Variants in PTPRK observed in about 807,000 individuals in gnomAD.
PTPRK encodes receptor-type tyrosine-protein phosphatase kappa.
In PTPRK, 75 loss-of-function variants were observed where a neutral mutation model predicts 178.0. The ratio of observed to expected loss-of-function variants is 0.42; its 90% CI spans 0.35 to 0.51. The LOEUF (loss-of-function observed/expected upper bound fraction) is 0.51, where lower values mean the gene tolerates loss of function less well. Among genes scored for constraint, PTPRK ranks in the 20% least tolerant of loss-of-function variants. The pLI is 0.02. For missense variants in PTPRK, 1,441 were observed against 1,797.8 expected (o/e 0.80, Z 3.59); for synonymous variants, 637 against 620.6 (o/e 1.03, Z -0.39).
intron 3 of PTPRK, among the ~76,000 whole-genome samples, chr6:128,315,216 T>C (rs1414747136): frequency 6.6e-6 from 1 of 152,158 alleles, no homozygotes; most frequent in Non-Finnish European, 1.5e-5. Context: ...TGTTGCAAAA[T>C]GCCAGGATCT....
At chr6:128,517,172 G>A (rs1858190567) in intron 1 of PTPRK, among the ~76,000 whole-genome samples, 1 of 151,906 alleles carries the variant, frequency 6.6e-6, no homozygotes, top group African/African-American at 2.4e-5. Flanking sequence ...GGAGTAAAAA[G>A]CTGAGACTAA....
At position 128,099,806 on chromosome 6, in the gene PTPRK, A is replaced by G. The variant is rs73772005; in HGVS notation, c.1163-9814T>C. 6.4e-3 allele frequency among the ~76,000 whole-genome samples: 981 copies of G among 152,162 alleles called. 9 individuals are homozygous for G. Among genetic ancestry groups the G allele is most frequent in the African/African-American group, 0.023 (950 of 41,548 alleles). ...CATTTATTTTATGCCTTCATGCATGATTAACAGCTTGCAGATCCTTCACAT... is the reference window on the plus strand; with the variant it reads ...CATTTATTTTATGCCTTCATGCATGGTTAACAGCTTGCAGATCCTTCACAT... On this transcript the variant is annotated intron_variant, in intron 7 of 29. Coordinates refer to ENST00000368226, the MANE Select transcript of PTPRK (RefSeq NM_002844.4).
At chr6:128,068,151 A>T (rs766028823) in intron 11 of PTPRK, among the ~76,000 whole-genome samples, 4 of 152,226 alleles carry the variant, frequency 2.6e-5, no homozygotes, top group Non-Finnish European at 5.9e-5. Flanking sequence ...AAATGTTTAA[A>T]GTTAACATTT....
At position 128,270,636 on chromosome 6, in the gene PTPRK, C is replaced by G. The variant is rs766709544; in HGVS notation, c.496-28034G>C. Reference sequence around the variant, plus strand: ...TTTCCATATACAATACAGATACTAGCAATGTCAGAAACATCAATTATATAT... The same window carrying G: ...TTTCCATATACAATACAGATACTAGGAATGTCAGAAACATCAATTATATAT... On this transcript the variant is annotated intron_variant, in intron 3 of 29. Transcript: ENST00000368226. Among the ~76,000 whole-genome samples, 3 of 152,258 alleles carry G rather than the reference C, an allele frequency of 2.0e-5. No individual in the cohort carries two copies. The South Asian group carries it at 6.2e-4, about 32-fold the overall frequency.
At chr6:128,441,133 G>T (rs566050827) in intron 1 of PTPRK, among the ~76,000 whole-genome samples, 2 of 151,998 alleles carry the variant, frequency 1.3e-5, no homozygotes, top group Non-Finnish European at 2.9e-5. Context: ...ATTTTAATTT[G>T]CATTTCTTTG....
At chr6:128,215,293 G>A (rs753089676) in intron 6 of PTPRK, among the ~76,000 whole-genome samples, 10 of 152,148 alleles carry the variant, frequency 6.6e-5, no homozygotes, top group Non-Finnish European at 1.3e-4. Flanking sequence ...TCACAGCTGA[G>A]GTGAGGATTG....
At chr6:128,020,588 G>C (rs1319462210) in intron 13 of PTPRK, among the ~76,000 whole-genome samples, 1 of 152,286 alleles carries the variant, frequency 6.6e-6, no homozygotes, top group African/African-American at 2.4e-5. Context: ...CAGAATGCCA[G>C]ATCTGGGACA....
chr6:128,165,311 T>A (rs1338387824), intron 7 of PTPRK, among the ~76,000 whole-genome samples: 1 of 151,452 alleles, frequency 6.6e-6, no homozygotes, highest in Non-Finnish European at 1.5e-5. Context: ...TACATTTATT[T>A]TATCCAACCA....
At chr6:128,459,495 AC>A (rs1848769279) in intron 1 of PTPRK, among the ~76,000 whole-genome samples, 1 of 152,184 alleles carries the variant, frequency 6.6e-6, no homozygotes, top group Non-Finnish European at 1.5e-5. Context: ...CAAAGCTGCT[AC>A]TAAAACACAG....
chr6:128,440,384 ACT>A (rs920550723), intron 1 of PTPRK, among the ~76,000 whole-genome samples: 5 of 151,980 alleles, frequency 3.3e-5, no homozygotes, highest in Non-Finnish European at 7.4e-5. Context: ...CTCAATCAAA[ACT>A]CTTTCCCCCG....
chr6:128,202,907 G>A (rs1348559825), intron 6 of PTPRK, among the ~76,000 whole-genome samples: 2 of 152,024 alleles, frequency 1.3e-5, no homozygotes, highest in Admixed American at 6.6e-5. Flanking sequence ...CTTTCTATAA[G>A]GCCAGCATCA....
At position 128,184,320 on chromosome 6, in the gene PTPRK, T is replaced by C. The variant is rs1238015157; in HGVS notation, c.1162+112A>G. The C allele has an allele frequency of 8.3e-6, 9 of 1,078,900 alleles. No homozygotes were observed. In the Admixed American group the frequency reaches 2.4e-4, roughly 29 times the overall value. 66.8% of individuals were successfully genotyped at this position (1,078,900 alleles called of 1,614,324 possible). A position where few individuals can be genotyped will look rare whatever the true frequency, so the allele number is the denominator to read the frequency against. ...TTATGTAATTCATTGGAACTCTTAA[T>C]AGTGTGACTATATCATATATCAAAT... On this transcript the variant is annotated intron_variant, in intron 7 of 29. Coordinates refer to ENST00000368226, the MANE Select transcript of PTPRK (RefSeq NM_002844.4).
chr6:128,078,776 T>C lies in PTPRK; in HGVS notation c.1883+37A>G, dbSNP rs111726256. 1.5e-3 allele frequency: 2,173 copies of C among 1,472,560 alleles called. 27 individuals are homozygous for C. The African/African-American group carries it at 0.026, about 17-fold the overall frequency. The allele number at this position is 1,472,560 out of a possible 1,614,324, so 91.2% of individuals were successfully genotyped here. On this transcript the variant is annotated intron_variant, in intron 11 of 29. Coordinates refer to ENST00000368226, the MANE Select transcript of PTPRK (RefSeq NM_002844.4). Reference sequence around the variant, plus strand: ...GGGCATCTTGGGATGTACATACCTGTGGATAAGGCAGAACTACTGTAGTTT... The same window carrying C: ...GGGCATCTTGGGATGTACATACCTGCGGATAAGGCAGAACTACTGTAGTTT...
intron 3 of PTPRK, among the ~76,000 whole-genome samples, chr6:128,310,526 C>A (rs1827082103): frequency 6.6e-6 from 1 of 152,122 alleles, no homozygotes. Context: ...AACTCAGGCC[C>A]ATAGCTAAAT....
intron 1 of PTPRK, among the ~76,000 whole-genome samples, chr6:128,448,963 G>T (rs1416152898): frequency 1.3e-5 from 2 of 152,026 alleles, no homozygotes; most frequent in Admixed American, 6.6e-5. Flanking sequence ...GGGTTCAAGT[G>T]ATTCTCCTGC....
intron 7 of PTPRK, among the ~76,000 whole-genome samples, chr6:128,090,277 T>C (rs1786695209): frequency 6.6e-6 from 1 of 152,228 alleles, no homozygotes; most frequent in South Asian, 2.1e-4. Context: ...CATGCATTTA[T>C]AGTTGTTGCT....
intron 2 of PTPRK, among the ~76,000 whole-genome samples, chr6:128,374,902 A>G (rs1836806619): frequency 6.6e-6 from 1 of 151,974 alleles, no homozygotes; most frequent in South Asian, 2.1e-4. Flanking sequence ...CAAATTGGTC[A>G]TCTTATTCTT....
chr6:128,040,624 TG>T (rs1777010007), intron 13 of PTPRK, among the ~76,000 whole-genome samples: 1 of 152,076 alleles, frequency 6.6e-6, no homozygotes, highest in African/African-American at 2.4e-5. Context: ...AGAGTAACAT[TG>T]TTAACGAAAA....
intron 3 of PTPRK, among the ~76,000 whole-genome samples, chr6:128,308,252 A>C (rs915528980): frequency 6.6e-6 from 1 of 152,068 alleles, no homozygotes; most frequent in Non-Finnish European, 1.5e-5. Flanking sequence ...AAACAAAATG[A>C]TGAACAAAAA....
Sources: allele counts gnomAD v4.1 joint callset (sites outside exome capture counted in the v4.1 genomes callset), GRCh38; gene constraint gnomAD v4.1.1; transcripts MANE v1.5; gene names NCBI Gene and HGNC (gene_info 2026-07-23, HGNC 2026-07-21).